FXR2: variants seen among roughly 807,000 people sequenced by gnomAD.
FXR2 encodes RNA-binding protein FXR2.
In FXR2, 9 loss-of-function variants were observed where a neutral mutation model predicts 87.3. That is an observed-to-expected ratio of 0.10 (90% CI 0.06 to 0.18). The LOEUF (loss-of-function observed/expected upper bound fraction) is 0.18, where lower values mean the gene tolerates loss of function less well. FXR2 is among the 10% of genes least tolerant of loss of function. FXR2 has a pLI of 1.00. For missense variants in FXR2, 661 were observed against 893.6 expected (o/e 0.74, Z 3.32); for synonymous variants, 331 against 328.3 (o/e 1.01, Z -0.09).
intron 1 of FXR2, among the ~76,000 whole-genome samples, chr17:7,609,947 T>TATGTATACATATATATACATGTAC (rs2071839398): frequency 1.6e-5 from 2 of 125,222 alleles, no homozygotes; most frequent in Admixed American, 8.3e-5. Context: ...TATACATGTA[T>TATGTATACATATATATACATGTAC]ATGTATACAT....
chr17:7,612,405 T>C lies in FXR2; in HGVS notation c.81+2047A>G, dbSNP rs527351532. Among the ~76,000 whole-genome samples the C allele has an allele frequency of 1.2e-4, 18 of 152,216 alleles. No individual in the cohort carries two copies. The South Asian group carries it at 3.5e-3, about 30-fold the overall frequency. Reference sequence around the variant, plus strand: ...TGCTCTATCAAAAGCAGAAAGGAATTAGAGACTTTTGCCAAAGAAAACAGA... The same window carrying C: ...TGCTCTATCAAAAGCAGAAAGGAATCAGAGACTTTTGCCAAAGAAAACAGA... On this transcript the variant is annotated intron_variant, in intron 1 of 16. Coordinates refer to ENST00000250113, the MANE Select transcript of FXR2 (RefSeq NM_004860.4).
chr17:7,614,515 A>G lies in FXR2; in HGVS notation c.18T>C (p.Ser6=). The G allele has an allele frequency of 6.6e-7, 1 of 1,513,020 alleles. No individual in the cohort carries two copies. Among genetic ancestry groups the G allele is most frequent in the Non-Finnish European group, 8.8e-7 (1 of 1,133,974 alleles). The allele number at this position is 1,513,020 out of a possible 1,614,324, so 93.7% of individuals were successfully genotyped here. A position where few individuals can be genotyped will look rare whatever the true frequency, so the allele number is the denominator to read the frequency against. ...GCAGTCCCGGCTCCACATCCCCCCC[A>G]GAGGCCAGGCCGCCCATGGCGCCGC... is the stretch of plus-strand genomic sequence containing the variant. MGGLA[S]GGDVEPGLPV... is the part of the protein sequence containing the mutation. Residue 6 remains serine, a synonymous_variant, in exon 1 of 17, where the codon TCT becomes TCC. Transcript: ENST00000250113.
chr17:7,592,719 C>T lies in FXR2; in HGVS notation c.1704G>A (p.Gly568=), dbSNP rs1436049381. ...TVMDGGLESD[G]PNMTENGLED... ...CCAGGCCATTCTCTGTCATGTTGGGCCCATCTGATTCCAGGCCTCCATCCA... is the reference window on the plus strand; with the variant it reads ...CCAGGCCATTCTCTGTCATGTTGGGTCCATCTGATTCCAGGCCTCCATCCA... Residue 568 remains glycine (G), a synonymous_variant, in exon 14 of 17, where the codon GGG becomes GGA. Transcript: ENST00000250113. This position sits in a 1 kb window ranked among gnomAD's most constrained non-coding sequence, Gnocchi z 4.8. 2 of 1,613,652 alleles carry T rather than the reference C, an allele frequency of 1.2e-6. No individual in the cohort carries two copies. The highest frequency in any genetic ancestry group is 3.3e-5 in the Admixed American group (2 of 59,980).
At chr17:7,611,041 T>C (rs2071859688) in intron 1 of FXR2, among the ~76,000 whole-genome samples, 1 of 152,086 alleles carries the variant, frequency 6.6e-6, no homozygotes, top group African/African-American at 2.4e-5. Flanking sequence ...GAGGATGCCA[T>C]GTTGATTAAG....
chr17:7,593,007 T>C lies in FXR2; in HGVS notation c.1505A>G (p.Tyr502Cys). The C allele has an allele frequency of 6.4e-7, 1 of 1,573,970 alleles. No homozygotes were observed. The highest frequency in any genetic ancestry group is 8.6e-7 in the Non-Finnish European group (1 of 1,162,480). The change falls in exon 13 of 17, where the codon TAC (tyrosine) becomes TGC (cysteine). Residue 502 changes from tyrosine to cysteine, a missense_variant. By Grantham distance (194) the Tyr-to-Cys change is radical (BLOSUM62 -2). Transcript: ENST00000250113. This position sits in a 1 kb window ranked among gnomAD's most constrained non-coding sequence, Gnocchi z 6.1. ...ACCTGAGCTAATAGATGAAGAATTG[T>C]ATCTCGAAGTGGGCCGGGGGGCAGG... is the stretch of plus-strand genomic sequence containing the variant. Reference protein sequence around the residue: ...PPPAPRPTSRYNSSSISSVLK... With the variant: ...PPPAPRPTSRCNSSSISSVLK...
In FXR2 at chr17:7,591,925, C is replaced by A; in HGVS notation, c.1927G>T (p.Gly643Cys). The A allele has an allele frequency of 6.4e-7, 1 of 1,561,292 alleles. No homozygotes were observed. The highest frequency in any genetic ancestry group is 8.8e-7 in the Non-Finnish European group (1 of 1,134,250). The part of the protein sequence containing the change: ...PSEDSLSGQK[G>C]DSVSKLPKGP... ...TTAGGAAGCTTGCTGACAGAGTCACCCTGAGGGGAAAGTGGGAAAGAAAAC... is the reference window on the plus strand; with the variant it reads ...TTAGGAAGCTTGCTGACAGAGTCACACTGAGGGGAAAGTGGGAAAGAAAAC... Residue 643 changes from glycine to cysteine, a missense_variant and splice_region_variant, in exon 17 of 17, where the codon GGT becomes TGT. Physicochemically the swap from Gly to Cys is radical, Grantham distance 159 (BLOSUM62 -3). This residue lies in a region of FXR2 where 409 missense variants were observed against 432.0 expected (regional missense o/e 0.95). Transcript: ENST00000250113. This position sits in a 1 kb window ranked among gnomAD's most constrained non-coding sequence, Gnocchi z 4.0.
In FXR2 at chr17:7,604,015, C is replaced by T; in HGVS notation, c.294G>A (p.Lys98=). The T allele has an allele frequency of 6.3e-7, 1 of 1,592,366 alleles. No homozygotes were observed. The highest frequency in any genetic ancestry group is 8.5e-7 in the Non-Finnish European group (1 of 1,170,272). Residue 98 remains lysine (K), a synonymous_variant, in exon 4 of 17, where the codon AAG becomes AAA. Transcript: ENST00000250113. ...GWWLARVRMM[K]GDFYVIEYAA... ...GGCATTCCCAGTCACTCACATCTCC[C>T]TTCATCATCCGCACCCGGGCCAGCC... is the stretch of plus-strand genomic sequence containing the variant.
rs555065313 is a variant in FXR2 at position 7,611,542 on chromosome 17, C to T, written c.81+2910G>A. On this transcript the variant is annotated intron_variant, in intron 1 of 16. Transcript: ENST00000250113. ...AATTAGCCAGGCATGGTGTTGCACA[C>T]CTGTAATCCCAGCTACTCGGGAGGC... Among the ~76,000 whole-genome samples, 294 of 152,226 alleles carry T rather than the reference C, an allele frequency of 1.9e-3. 1 individual carries two copies. The highest frequency in any genetic ancestry group is 0.017 in the Middle Eastern group (5 of 294).
chr17:7,592,401 C>T lies in FXR2; in HGVS notation c.1826-47G>A, dbSNP rs369731633. On this transcript the variant is annotated intron_variant, in intron 15 of 16. Transcript: ENST00000250113. The surrounding 1 kb of genome is among the most constrained non-coding windows in gnomAD (Gnocchi z 4.8). Reference sequence around the variant, plus strand: ...GACTTTCAGATGGAATTCTGGTAGCCAGCCTAAGACACCCACTGAACCCGA... The same window carrying T: ...GACTTTCAGATGGAATTCTGGTAGCTAGCCTAAGACACCCACTGAACCCGA... The T allele has an allele frequency of 6.5e-6, 10 of 1,539,874 alleles. No homozygotes were observed. In the African/African-American group the frequency reaches 1.2e-4, roughly 19 times the overall value.
chr17:7,608,403 C>T (rs2150946871), intron 1 of FXR2, among the ~76,000 whole-genome samples: 1 of 149,742 alleles, frequency 6.7e-6, no homozygotes, highest in East Asian at 1.9e-4. Flanking sequence ...ACTAGTCTGG[C>T]CAATATGGCA....
intron 1 of FXR2, 193 bp downstream of exon 1, chr17:7,614,259 T>C (rs1251229155): frequency 1.8e-5 from 12 of 678,698 alleles, no homozygotes; most frequent in Non-Finnish European, 2.1e-5. Context: ...GCAGGTGCCT[T>C]AGAGGGGTCA....
At chr17:7,613,875 G>A (rs2071902216) in intron 1 of FXR2, 1 of 363,686 alleles carries the variant, frequency 2.7e-6, no homozygotes, top group East Asian at 7.3e-5. Context: ...CCAACCCAGG[G>A]TTCCTGAGGT....
chr17:7,611,650 A>G (rs1433920979), intron 1 of FXR2, among the ~76,000 whole-genome samples: 1 of 152,120 alleles, frequency 6.6e-6, no homozygotes, highest in African/African-American at 2.4e-5. Context: ...CCTGGATGAC[A>G]GAGGGAGACC....
chr17:7,610,074 A>C, intron 1 of FXR2, among the ~76,000 whole-genome samples: 1 of 151,212 alleles, frequency 6.6e-6, no homozygotes, highest in Non-Finnish European at 1.5e-5. Context: ...ACATATATAT[A>C]AATTAGCCAG....
chr17:7,610,039 T>TATAC (rs1491295188), intron 1 of FXR2, among the ~76,000 whole-genome samples: 1 of 81,990 alleles, frequency 1.2e-5, no homozygotes, highest in East Asian at 3.0e-4. Flanking sequence ...TACATGTATG[T>TATAC]ATATATATAC....
Position 7,592,619 on chromosome 17 carries a change from CAG to C in FXR2, c.1730-22_1730-21del, listed in dbSNP as rs771167526. The C allele has an allele frequency of 4.3e-6, 7 of 1,613,160 alleles. No individual in the cohort carries two copies. Among genetic ancestry groups the C allele is most frequent in the Non-Finnish European group, 5.9e-6 (7 of 1,179,310 alleles). On this transcript the variant is annotated intron_variant, in intron 14 of 16. Coordinates refer to ENST00000250113, the MANE Select transcript of FXR2 (RefSeq NM_004860.4). The surrounding 1 kb of genome is among the most constrained non-coding windows in gnomAD (Gnocchi z 4.8). ...CATCTTCTGTAGGGTAGGAAAAAAC[CAG>C]AGTCACACATCCAACCTCCCACCCT...
At chr17:7,602,040 A>C (rs2071761085) in intron 6 of FXR2, among the ~76,000 whole-genome samples, 1 of 152,192 alleles carries the variant, frequency 6.6e-6, no homozygotes, top group Admixed American at 6.5e-5. Context: ...AGCAAGCATA[A>C]GGTGAGAGCT....
chr17:7,593,671 G>A lies in FXR2; in HGVS notation c.1108-46C>T. On this transcript the variant is annotated intron_variant, in intron 11 of 16. Coordinates refer to ENST00000250113, the MANE Select transcript of FXR2 (RefSeq NM_004860.4). This position sits in a 1 kb window ranked among gnomAD's most constrained non-coding sequence, Gnocchi z 6.1. ...AGAAGGGGAAGGAGAAATAAGATCA[G>A]TGCCTTGCTTCATGCTTCTGCACCC... The A allele has an allele frequency of 7.6e-7, 1 of 1,319,994 alleles. No individual in the cohort carries two copies. The highest frequency in any genetic ancestry group is 1.3e-5 in the South Asian group (1 of 79,678). 81.8% of individuals were successfully genotyped at this position (1,319,994 alleles called of 1,614,324 possible).
In FXR2 at chr17:7,593,445, C is replaced by A; in HGVS notation, c.1288G>T (p.Gly430Trp). The A allele has an allele frequency of 6.3e-7, 1 of 1,588,298 alleles. No homozygotes were observed. Among genetic ancestry groups the A allele is most frequent in the East Asian group, 2.3e-5 (1 of 43,666 alleles). ...HATRTYGGSY[G>W]GRGRGRRTGG... Reference sequence around the variant, plus strand: ...GTCCTCCGGCCACGGCCACGGCCCCCATAGCTGCCCCCATAGGTTCGAGTC... The same window carrying A: ...GTCCTCCGGCCACGGCCACGGCCCCAATAGCTGCCCCCATAGGTTCGAGTC... The change falls in exon 12 of 17, where the codon GGG (glycine) becomes TGG (tryptophan). Residue 430 changes from glycine to tryptophan, a missense_variant. By Grantham distance (184) the Gly-to-Trp change is radical. Around this residue, in one of 3 missense-constraint regions of FXR2, gnomAD observed 409 missense variants for 432.0 expected, o/e 0.95. Transcript: ENST00000250113. The surrounding 1 kb of genome is among the most constrained non-coding windows in gnomAD (Gnocchi z 6.1).
Sources: allele counts gnomAD v4.1 joint callset (sites outside exome capture counted in the v4.1 genomes callset), GRCh38; gene constraint gnomAD v4.1.1; regional missense constraint gnomAD v4.1.1; non-coding constraint Gnocchi (gnomAD v3.1); transcripts MANE v1.5; gene names NCBI Gene and HGNC (gene_info 2026-07-23, HGNC 2026-07-21).